RIN3: variants seen among roughly 807,000 people sequenced by gnomAD.
The protein encoded by RIN3 is Ras and Rab interactor 3, also known as RAB5 interacting protein 3.
In RIN3, 54 loss-of-function variants were observed where a neutral mutation model predicts 76.3. The observed-to-expected ratio is 0.71, with a 90% confidence interval of 0.57 to 0.89. RIN3 has a LOEUF of 0.89. RIN3 is among the 40% of genes least tolerant of loss of function. The pLI is 0.00. For missense variants in RIN3, 1,256 were observed against 1,322.1 expected, an observed-to-expected ratio of 0.95 and a Z score of 0.78; for synonymous variants, 576 against 564.0, an observed-to-expected ratio of 1.02 and a Z score of -0.30.
Position 92,535,551 on chromosome 14 carries a change from A to G in RIN3, c.45-20200A>G, listed in dbSNP as rs150972087. Among the ~76,000 whole-genome samples, 13 of 151,756 alleles carry G rather than the reference A, an allele frequency of 8.6e-5. No individual in the cohort carries two copies. The East Asian group carries it at 2.5e-3, about 29-fold the overall frequency. ...TGGGTGTGTGCGTGCACGCACGTGC[A>G]TACTGTTTAAGAAGTCTCTCGACCA... On this transcript the variant is annotated intron_variant, in intron 1 of 9. Coordinates refer to ENST00000216487, the MANE Select transcript of RIN3 (RefSeq NM_024832.5).
chr14:92,558,273 G>A (rs555438565), intron 2 of RIN3, among the ~76,000 whole-genome samples: 1 of 152,214 alleles, frequency 6.6e-6, no homozygotes, highest in South Asian at 2.1e-4. Context: ...TACTTGAACC[G>A]GGGAGGTGGA....
rs778698515 is a variant in RIN3, at chr14:92,652,631, A to G, written c.1582A>G (p.Lys528Glu). The change falls in exon 6 of 10, where the codon AAG becomes GAG. Residue 528 changes from lysine (K) to glutamate (E), a missense_variant. By Grantham distance (56) the Lys-to-Glu change is moderately conservative. Coordinates refer to ENST00000216487, the MANE Select transcript of RIN3 (RefSeq NM_024832.5). This position sits in a 1 kb window ranked among gnomAD's most constrained non-coding sequence, Gnocchi z 6.4. Reference protein sequence around the residue: ...TAHSQSSPEFKGSLASLSDSL... With the variant: ...TAHSQSSPEFEGSLASLSDSL... Reference sequence around the variant, plus strand: ...CCATTCCCAGAGCTCTCCAGAGTTCAAGGGCTCCCTGGCCTCCCTCTCAGA... The same window carrying G: ...CCATTCCCAGAGCTCTCCAGAGTTCGAGGGCTCCCTGGCCTCCCTCTCAGA... The G allele has an allele frequency of 2.5e-6, 4 of 1,611,262 alleles. No individual in the cohort carries two copies. The highest frequency in any genetic ancestry group is 3.4e-6 in the Non-Finnish European group (4 of 1,179,882).
At chr14:92,676,433 G>C (rs983726189) in intron 7 of RIN3, 42 bp from the exon 8 acceptor site, 1 of 1,602,854 alleles carries the variant, frequency 6.2e-7, no homozygotes, top group Non-Finnish European at 8.5e-7. Context: ...CTCACAAGGA[G>C]AGCCTGGAAC....
chr14:92,515,128 C>G (rs1427293273), intron 1 of RIN3: 3 of 653,594 alleles, frequency 4.6e-6, no homozygotes, highest in Non-Finnish European at 8.3e-6. Context: ...TAGATCTGAA[C>G]GTCTCCCTTC....
chr14:92,670,364 C>A (rs1888248169), intron 7 of RIN3, among the ~76,000 whole-genome samples: 1 of 152,186 alleles, frequency 6.6e-6, no homozygotes, highest in Non-Finnish European at 1.5e-5. Flanking sequence ...AATGCACAGC[C>A]AAATGGGCGT....
chr14:92,618,199 C>G (rs535922924), intron 4 of RIN3, among the ~76,000 whole-genome samples: 2 of 152,256 alleles, frequency 1.3e-5, no homozygotes, highest in South Asian at 4.1e-4. Context: ...AAAAGTACAC[C>G]CCATAAGTGC....
At chr14:92,558,169 C>T (rs537427810) in intron 2 of RIN3, among the ~76,000 whole-genome samples, 18 of 152,184 alleles carry the variant, frequency 1.2e-4, no homozygotes, top group African/African-American at 3.9e-4. Flanking sequence ...GGCAACATGG[C>T]GAGACCCCGT....
intron 1 of RIN3, among the ~76,000 whole-genome samples, chr14:92,529,352 G>A (rs113669738): frequency 1.3e-4 from 20 of 151,056 alleles, no homozygotes; most frequent in South Asian, 4.2e-4. Flanking sequence ...CATTTCACAC[G>A]ATTCTCCTGC....
chr14:92,586,757 G>A (rs1884791151), intron 3 of RIN3, among the ~76,000 whole-genome samples: 1 of 152,186 alleles, frequency 6.6e-6, no homozygotes, highest in Non-Finnish European at 1.5e-5. Flanking sequence ...CAGTGGGAGA[G>A]ACAGGCTCAT....
At chr14:92,600,193 G>A (rs756910982) in intron 3 of RIN3, among the ~76,000 whole-genome samples, 5 of 152,240 alleles carry the variant, frequency 3.3e-5, no homozygotes, top group African/African-American at 7.2e-5. Context: ...AATGGGCTGA[G>A]CTGAAGGATG....
In RIN3 at chr14:92,516,311, C is replaced by T. The variant is rs552494992; in HGVS notation, c.44+2335C>T. ...GGTGGTGGAACTCATGTCTCCTGAG[C>T]CTTGGCCTGATCTAATACAGGGGTC... On this transcript the variant is annotated intron_variant, in intron 1 of 9. Transcript: ENST00000216487. Among the ~76,000 whole-genome samples, 3 of 152,274 alleles carry T rather than the reference C, an allele frequency of 2.0e-5. No individual in the cohort carries two copies. The East Asian group carries it at 5.8e-4, about 29-fold the overall frequency.
intron 3 of RIN3, among the ~76,000 whole-genome samples, chr14:92,606,773 C>T (rs982260708): frequency 2.6e-5 from 4 of 152,076 alleles, no homozygotes; most frequent in Non-Finnish European, 4.4e-5. Context: ...TTGACAAGGG[C>T]ATGGAGAAAT....
At chr14:92,593,345 G>A (rs1454362397) in intron 3 of RIN3, among the ~76,000 whole-genome samples, 1 of 152,060 alleles carries the variant, frequency 6.6e-6, no homozygotes, top group Admixed American at 6.6e-5. Flanking sequence ...GAATTTTAAT[G>A]GTCCAAATGC....
chr14:92,541,886 A>G (rs781734205), intron 1 of RIN3, among the ~76,000 whole-genome samples: 4 of 152,250 alleles, frequency 2.6e-5, no homozygotes, highest in Non-Finnish European at 1.5e-5. Flanking sequence ...CATATATCTG[A>G]TAAGGGGCTT....
chr14:92,621,277 A>AT (rs576164867), intron 4 of RIN3, among the ~76,000 whole-genome samples: 40 of 148,010 alleles, frequency 2.7e-4, no homozygotes, highest in East Asian at 1.8e-3. Flanking sequence ...CTTCTGATGC[A>AT]TTTTTTTACA....
At chr14:92,561,089 CTGCCATATATA>C (rs1348654981) in intron 2 of RIN3, among the ~76,000 whole-genome samples, 2 of 110,870 alleles carry the variant, frequency 1.8e-5, no homozygotes, top group African/African-American at 3.3e-5. Context: ...ATATATATAT[CTGCCATATATA>C]TGCCATATTT....
At chr14:92,639,566 C>G (rs565029709) in intron 4 of RIN3, among the ~76,000 whole-genome samples, 1 of 152,272 alleles carries the variant, frequency 6.6e-6, no homozygotes, top group Admixed American at 6.5e-5. Flanking sequence ...TCGGGACCAC[C>G]CATCCTGGGG....
rs78505396 is a variant in RIN3 at position 92,580,078 on chromosome 14, A to G, written c.367+2601A>G. 5.7e-3 allele frequency among the ~76,000 whole-genome samples: 864 copies of G among 152,352 alleles called. 7 individuals carry two copies. The highest frequency in any genetic ancestry group is 9.0e-3 in the Non-Finnish European group (611 of 68,024). ...CCGCAGAGACCCAGAGCCCCACAGA[A>G]TGGATAAAACACAACTCGCTGGGCA... On this transcript the variant is annotated intron_variant, in intron 3 of 9. Transcript: ENST00000216487.
rs535822421 is a variant in RIN3, at chr14:92,519,668, G to A, written c.44+5692G>A. On this transcript the variant is annotated intron_variant, in intron 1 of 9. Coordinates refer to ENST00000216487, the MANE Select transcript of RIN3 (RefSeq NM_024832.5). The stretch of plus-strand genomic sequence containing the variant: ...GGGATGGCGCTCTCTGCCAGGCCTC[G>A]GTCTCCCTGCCCAGGGCTGCCCAGA... 5.3e-5 allele frequency among the ~76,000 whole-genome samples: 8 copies of A among 152,310 alleles called. No homozygotes were observed. In the South Asian group the frequency reaches 6.2e-4, roughly 12 times the overall value.
Sources: allele counts gnomAD v4.1 joint callset (sites outside exome capture counted in the v4.1 genomes callset), GRCh38; gene constraint gnomAD v4.1.1; non-coding constraint Gnocchi (gnomAD v3.1); transcripts MANE v1.5; gene names NCBI Gene and HGNC (gene_info 2026-07-23, HGNC 2026-07-21).